KCNH8: variants seen among roughly 807,000 people sequenced by gnomAD.
KCNH8 encodes potassium voltage-gated channel subfamily H member 8, also known as voltage-gated delayed rectifier potassium channel KCNH8.
KCNH8 carries 70 observed loss-of-function variants against 103.6 expected under a neutral mutation model. That is an observed-to-expected ratio of 0.68 (90% CI 0.56 to 0.82). The LOEUF is 0.82. KCNH8 is among the 40% of genes least tolerant of loss of function. The pLI is 0.00. For missense variants in KCNH8, 1,217 were observed against 1,329.9 expected (o/e 0.92, Z 1.32); for synonymous variants, 498 against 489.4 (o/e 1.02, Z -0.23).
At chr3:19,151,141 A>G (rs192031009) in intron 1 of KCNH8, among the ~76,000 whole-genome samples, 18 of 151,868 alleles carry the variant, frequency 1.2e-4, no homozygotes, top group Non-Finnish European at 1.5e-4. Flanking sequence ...CCAGCTAGCT[A>G]TTTACTTTAT....
chr3:19,442,794 T>A (rs908701003), intron 8 of KCNH8, among the ~76,000 whole-genome samples: 1 of 152,158 alleles, frequency 6.6e-6, no homozygotes, highest in African/African-American at 2.4e-5. Flanking sequence ...GGAAAAATGA[T>A]GCCTGCATTT....
At chr3:19,338,397 C>CACCACCACCACT (rs2065614141) in intron 3 of KCNH8, among the ~76,000 whole-genome samples, 1 of 151,914 alleles carries the variant, frequency 6.6e-6, no homozygotes, top group Admixed American at 6.6e-5. Flanking sequence ...TGTTCCCTAC[C>CACCACCACCACT]ACCACCACCA....
intron 11 of KCNH8, among the ~76,000 whole-genome samples, chr3:19,482,948 T>A (rs1414571833): frequency 2.0e-5 from 3 of 152,196 alleles, no homozygotes; most frequent in Admixed American, 1.3e-4. Flanking sequence ...ATTTGATTGA[T>A]CCTGTAAATG....
chr3:19,161,451 G>A (rs1286970864), intron 1 of KCNH8, among the ~76,000 whole-genome samples: 1 of 152,136 alleles, frequency 6.6e-6, no homozygotes, highest in Non-Finnish European at 1.5e-5. Context: ...TCTTCTGTGT[G>A]TAGAAAAGAA....
intron 1 of KCNH8, among the ~76,000 whole-genome samples, chr3:19,150,293 C>A (rs947077508): frequency 6.6e-6 from 1 of 152,070 alleles, no homozygotes; most frequent in Middle Eastern, 3.4e-3. Context: ...TGCATGATGG[C>A]GGATACTACT....
intron 7 of KCNH8, among the ~76,000 whole-genome samples, chr3:19,396,190 A>C (rs576743326): frequency 6.6e-6 from 1 of 152,034 alleles, no homozygotes; most frequent in Non-Finnish European, 1.5e-5. Flanking sequence ...TCTATCAAAA[A>C]TCAATCTTGA....
intron 7 of KCNH8, among the ~76,000 whole-genome samples, chr3:19,396,853 T>C (rs7647575): frequency 0.62 from 93,416 of 151,838 alleles, 29,096 homozygotes; most frequent in African/African-American, 0.7. Context: ...TGCCCTTTGT[T>C]TTGAATTCAT....
chr3:19,471,750 A>T (rs1385741833), intron 11 of KCNH8, among the ~76,000 whole-genome samples: 1 of 152,192 alleles, frequency 6.6e-6, no homozygotes, highest in Admixed American at 6.5e-5. Context: ...AAACCACCTG[A>T]CTTCAAAACC....
chr3:19,509,617 A>C (rs992272283), intron 11 of KCNH8, among the ~76,000 whole-genome samples: 1 of 152,178 alleles, frequency 6.6e-6, no homozygotes, highest in Non-Finnish European at 1.5e-5. Context: ...AGTGAATAAG[A>C]TATATATTTT....
chr3:19,439,642 C>T (rs1204897086), intron 8 of KCNH8, among the ~76,000 whole-genome samples: 4 of 152,090 alleles, frequency 2.6e-5, no homozygotes, highest in Non-Finnish European at 5.9e-5. Context: ...TTCATATTTG[C>T]AGAGATCATG....
intron 5 of KCNH8, among the ~76,000 whole-genome samples, chr3:19,371,555 T>C (rs2066096022): frequency 6.7e-6 from 1 of 150,226 alleles, no homozygotes; most frequent in South Asian, 2.1e-4. Context: ...TCCCATTCTG[T>C]AGGTTGCCTG....
chr3:19,363,392 G>A (rs1454006588), intron 5 of KCNH8, among the ~76,000 whole-genome samples: 1 of 152,134 alleles, frequency 6.6e-6, no homozygotes, highest in African/African-American at 2.4e-5. Context: ...CAGCTCTGAA[G>A]AGGCCTGAAA....
In KCNH8 at chr3:19,392,251, C is replaced by T. The variant is rs984143458; in HGVS notation, c.969+1613C>T. On this transcript the variant is annotated intron_variant, in intron 6 of 15. Coordinates refer to ENST00000328405, the MANE Select transcript of KCNH8 (RefSeq NM_144633.3). ...TTTCACTACACTCCTGCTCTCTTTT[C>T]GTCAATCTTATGTAATCTAACACAA... Among the ~76,000 whole-genome samples the T allele has an allele frequency of 6.8e-5, 10 of 147,620 alleles. No individual in the cohort carries two copies. The South Asian group carries it at 8.4e-4, about 12-fold the overall frequency.
chr3:19,373,787 C>A (rs1310225372), intron 5 of KCNH8, among the ~76,000 whole-genome samples: 3 of 151,492 alleles, frequency 2.0e-5, no homozygotes, highest in Non-Finnish European at 4.4e-5. Context: ...TGAATGCGTC[C>A]CAGAGATTCT....
At chr3:19,290,330 C>T (rs1439447499) in intron 3 of KCNH8, among the ~76,000 whole-genome samples, 1 of 152,144 alleles carries the variant, frequency 6.6e-6, no homozygotes, top group Admixed American at 6.5e-5. Context: ...TGCCAGTTTT[C>T]AAAGGGAATG....
intron 2 of KCNH8, among the ~76,000 whole-genome samples, chr3:19,258,943 C>A (rs867292881): frequency 0.038 from 1,994 of 52,238 alleles, 25 homozygotes; most frequent in African/African-American, 0.073. Context: ...CTCTCTCTCT[C>A]TCTCTATATA....
intron 5 of KCNH8, among the ~76,000 whole-genome samples, chr3:19,360,450 A>G (rs2125328744): frequency 6.6e-6 from 1 of 152,064 alleles, no homozygotes; most frequent in South Asian, 2.1e-4. Flanking sequence ...TAACACAATT[A>G]CTCATATTCT....
intron 1 of KCNH8, among the ~76,000 whole-genome samples, chr3:19,163,273 T>C (rs1418318196): frequency 6.7e-6 from 1 of 150,350 alleles, no homozygotes; most frequent in South Asian, 2.1e-4. Flanking sequence ...AGGTAATGTG[T>C]ATATATAAAA....
In KCNH8 at chr3:19,253,841, G is replaced by A. The variant is rs865920585; in HGVS notation, c.264G>A (p.Glu88=). Residue 88 remains glutamate, a synonymous_variant, in exon 2 of 16, where the codon GAG becomes GAA. Coordinates refer to ENST00000328405, the MANE Select transcript of KCNH8 (RefSeq NM_144633.3). ...TGCTTCAAATAGAAAAGTCACTGGA[G>A]GAGAAAACAGAATTCAAAGGAGAAA... ...QLMLQIEKSL[E]EKTEFKGEIM... is the part of the protein sequence containing the mutation. The A allele has an allele frequency of 5.0e-6, 8 of 1,613,752 alleles. No homozygotes were observed. The Middle Eastern group carries it at 1.3e-3, about 266-fold the overall frequency.
Sources: gnomAD v4.1 joint callset for allele counts (sites outside exome capture counted in the v4.1 genomes callset) on GRCh38, gnomAD v4.1.1 for gene constraint, MANE v1.5 for transcripts, NCBI Gene and HGNC (gene_info 2026-07-23, HGNC 2026-07-21) for gene names.